LUZP2: variants seen among roughly 807,000 people sequenced by gnomAD.
LUZP2 encodes leucine zipper protein 2.
Under a neutral mutation model 51.6 loss-of-function variants are expected in LUZP2, and 52 were observed. The observed-to-expected ratio is 1.01, with a 90% confidence interval of 0.81 to 1.27. LUZP2 has a LOEUF of 1.27. Ranked by LOEUF, LUZP2 falls within the 50% of genes most tolerant of loss-of-function variation. The pLI is 0.00. For missense variants in LUZP2, 436 were observed against 395.4 expected, an observed-to-expected ratio of 1.10 and a Z score of -0.87; for synonymous variants, 154 against 137.3, an observed-to-expected ratio of 1.12 and a Z score of -0.85.
chr11:24,576,820 T>A (rs989430504), intron 1 of LUZP2, among the ~76,000 whole-genome samples: 1 of 152,108 alleles, frequency 6.6e-6, no homozygotes, highest in African/African-American at 2.4e-5. Flanking sequence ...AACCACCAAA[T>A]TACTTGTTAT....
intron 1 of LUZP2, among the ~76,000 whole-genome samples, chr11:24,658,556 A>G (rs1423153909): frequency 6.6e-6 from 1 of 152,204 alleles, no homozygotes; most frequent in Non-Finnish European, 1.5e-5. Flanking sequence ...AATGGCAACA[A>G]AAGCCAAAAT....
At chr11:24,528,829 A>G (rs1050013932) in intron 1 of LUZP2, among the ~76,000 whole-genome samples, 1 of 151,276 alleles carries the variant, frequency 6.6e-6, no homozygotes, top group African/African-American at 2.4e-5. Flanking sequence ...GCTTAAAATC[A>G]TTAAATAATT....
rs3078021 is a variant in LUZP2, at chr11:24,629,549, CAT to C, written c.63-99602_63-99601del. Among the ~76,000 whole-genome samples, 446 of 141,102 alleles carry C rather than the reference CAT, an allele frequency of 3.2e-3. 1 individual carries two copies. The highest frequency in any genetic ancestry group is 0.01 in the African/African-American group (385 of 38,308). 92.6% of individuals were successfully genotyped at this position (141,102 alleles called of 152,430 possible). A position where few individuals can be genotyped will look rare whatever the true frequency, so the allele number is the denominator to read the frequency against. On this transcript the variant is annotated intron_variant, in intron 1 of 11. Transcript: ENST00000336930. ...CATTGCATATATATATATTCCATTG[CAT>C]ATATATATATATATATACCATATTT... is the stretch of plus-strand genomic sequence containing the variant.
chr11:24,785,375 G>A (rs559092749), intron 5 of LUZP2, among the ~76,000 whole-genome samples: 4 of 152,126 alleles, frequency 2.6e-5, no homozygotes, highest in Non-Finnish European at 4.4e-5. Flanking sequence ...ATGATTAATG[G>A]TGTGTTAAAA....
At chr11:25,065,263 A>G (rs1290922574) in intron 10 of LUZP2, among the ~76,000 whole-genome samples, 1 of 152,044 alleles carries the variant, frequency 6.6e-6, no homozygotes, top group Non-Finnish European at 1.5e-5. Flanking sequence ...CACCTGGTAC[A>G]TCTTTATTAA....
intron 5 of LUZP2, among the ~76,000 whole-genome samples, chr11:24,777,766 A>C (rs1848979625): frequency 6.6e-6 from 1 of 151,994 alleles, no homozygotes; most frequent in African/African-American, 2.4e-5. Context: ...TACATAATTC[A>C]TTGATTTACT....
chr11:24,643,254 CAA>C (rs570616833), intron 1 of LUZP2, among the ~76,000 whole-genome samples: 41 of 75,726 alleles, frequency 5.4e-4, no homozygotes, highest in African/African-American at 1.9e-3. Flanking sequence ...ACTAAAAGTA[CAA>C]AAAAAAAAAA....
chr11:25,034,221 A>G (rs1293893274), intron 9 of LUZP2, among the ~76,000 whole-genome samples: 1 of 151,992 alleles, frequency 6.6e-6, no homozygotes, highest in African/African-American at 2.4e-5. Context: ...CTACTTGCAT[A>G]TCTTCTTTTG....
intron 1 of LUZP2, among the ~76,000 whole-genome samples, chr11:24,567,553 A>T (rs1590190038): frequency 6.6e-6 from 1 of 152,228 alleles, no homozygotes; most frequent in East Asian, 1.9e-4. Flanking sequence ...TGAAAGCCAA[A>T]GTTAAAGAGA....
At chr11:25,044,251 GTGTGTGTATATATATATATATA>G (rs1440447120) in intron 9 of LUZP2, among the ~76,000 whole-genome samples, 7 of 117,636 alleles carry the variant, frequency 6.0e-5, no homozygotes, top group Admixed American at 1.7e-4. Flanking sequence ...GTGTGTGTGT[GTGTGTGTATATATATATATATA>G]TATATATATA....
At chr11:24,931,244 TAA>T (rs1467943273) in intron 7 of LUZP2, among the ~76,000 whole-genome samples, 2 of 149,780 alleles carry the variant, frequency 1.3e-5, no homozygotes, top group Non-Finnish European at 3.0e-5. Flanking sequence ...TAAAATAAAA[TAA>T]AATAAAATAA....
Position 24,538,664 on chromosome 11 carries a change from GTGTGTA to G in LUZP2, c.62+41361_62+41366del, listed in dbSNP as rs1286948205. On this transcript the variant is annotated intron_variant, in intron 1 of 11. Coordinates refer to ENST00000336930, the MANE Select transcript of LUZP2 (RefSeq NM_001009909.4). ...ATGTGTTTTTTATATGTGTGTGTGT[GTGTGTA>G]TATATATATATAAAACTTTCAAAAA... Among the ~76,000 whole-genome samples the G allele has an allele frequency of 2.5e-3, 359 of 145,304 alleles. 1 individual carries two copies. Among genetic ancestry groups the G allele is most frequent in the African/African-American group, 9.0e-3 (344 of 38,434 alleles).
intron 5 of LUZP2, among the ~76,000 whole-genome samples, chr11:24,821,524 T>G (rs1850357746): frequency 6.6e-6 from 1 of 152,134 alleles, no homozygotes; most frequent in Non-Finnish European, 1.5e-5. Flanking sequence ...TATCACATTA[T>G]TCTCTAACCC....
chr11:24,585,223 G>A (rs114454283), intron 1 of LUZP2, among the ~76,000 whole-genome samples: 362 of 152,066 alleles, frequency 2.4e-3, no homozygotes, highest in African/African-American at 8.2e-3. Context: ...TCTTCTATTC[G>A]GTGTTTATTT....
intron 1 of LUZP2, among the ~76,000 whole-genome samples, chr11:24,714,051 A>G (rs977696019): frequency 1.3e-5 from 2 of 151,916 alleles, no homozygotes; most frequent in African/African-American, 4.8e-5. Context: ...AAATAATACA[A>G]AAGTCAATAC....
intron 9 of LUZP2, among the ~76,000 whole-genome samples, chr11:25,041,530 AAT>A (rs1858059692): frequency 6.6e-6 from 1 of 152,154 alleles, no homozygotes; most frequent in Admixed American, 6.5e-5. Context: ...GTTTTAAGAC[AAT>A]TAAATAAAAT....
chr11:24,533,309 T>C (rs571819253), intron 1 of LUZP2, among the ~76,000 whole-genome samples: 2 of 151,302 alleles, frequency 1.3e-5, no homozygotes, highest in Non-Finnish European at 3.0e-5. Flanking sequence ...TGATCAGCCA[T>C]TCTAAAAGTA....
intron 9 of LUZP2, among the ~76,000 whole-genome samples, chr11:25,036,018 T>C (rs190234686): frequency 6.6e-6 from 1 of 152,058 alleles, no homozygotes; most frequent in African/African-American, 2.4e-5. Context: ...CCCCAGCTTT[T>C]TGGAATAGTT....
intron 10 of LUZP2, among the ~76,000 whole-genome samples, chr11:25,067,410 T>C (rs1859027804): frequency 6.6e-6 from 1 of 152,108 alleles, no homozygotes; most frequent in Non-Finnish European, 1.5e-5. Context: ...AATTTTGGCT[T>C]TTGTTGTCAT....
Sources: gnomAD v4.1 joint callset for allele counts (sites outside exome capture counted in the v4.1 genomes callset) on GRCh38, gnomAD v4.1.1 for gene constraint, MANE v1.5 for transcripts, NCBI Gene and HGNC (gene_info 2026-07-23, HGNC 2026-07-21) for gene names.